The following SUPT20H variants were observed in gnomAD, a reference collection of about 807,000 sequenced individuals.
SUPT20H encodes the protein SPT20 homolog, SAGA complex component.
SUPT20H carries 82 observed loss-of-function variants against 122.8 expected under a neutral mutation model. The observed-to-expected ratio is 0.67, with a 90% CI of 0.56 to 0.80. SUPT20H has a LOEUF of 0.80. Ranked by LOEUF, SUPT20H falls within the 30% of genes least tolerant of loss-of-function variation. The probability of loss-of-function intolerance (pLI) is 0.00; values close to 1 mark genes in which losing one functional copy is unlikely to be tolerated. For synonymous variants in SUPT20H, 291 were observed against 313.0 expected, an observed-to-expected ratio of 0.93 and a Z score of 0.74; for missense variants, 831 against 921.6, an observed-to-expected ratio of 0.90 and a Z score of 1.27.
At position 37,012,364 on chromosome 13, in the gene SUPT20H, T is replaced by A; in HGVS notation, c.1993-67A>T. 2.3e-6 allele frequency: 3 copies of A among 1,317,432 alleles called. No individual in the cohort carries two copies. In the Admixed American group the frequency reaches 5.5e-5, roughly 24 times the overall value. The allele number at this position is 1,317,432 out of a possible 1,614,324, so 81.6% of individuals were successfully genotyped here. A position where few individuals can be genotyped will look rare whatever the true frequency, so the allele number is the denominator to read the frequency against. ...ACAAATTTGAGCTGGTGAAAAGAAA[T>A]CAGTATTTTTTCCTATATGAAAGAA... is the stretch of plus-strand genomic sequence containing the variant. On this transcript the variant is annotated intron_variant, in intron 23 of 25. Coordinates refer to ENST00000350612, the MANE Select transcript of SUPT20H (RefSeq NM_001014286.3).
At position 37,033,421 on chromosome 13, in the gene SUPT20H, T is replaced by C. The variant is rs375225689; in HGVS notation, c.707+28A>G. Reference sequence around the variant, plus strand: ...AAAATTTATAGCTACTTGTGTCTTTTGGTTCACCCTTCCACAAAGGCAATT... The same window carrying C: ...AAAATTTATAGCTACTTGTGTCTTTCGGTTCACCCTTCCACAAAGGCAATT... On this transcript the variant is annotated intron_variant, in intron 10 of 25. Coordinates refer to ENST00000350612, the MANE Select transcript of SUPT20H (RefSeq NM_001014286.3). The C allele has an allele frequency of 1.3e-5, 21 of 1,601,410 alleles. No individual in the cohort carries two copies. The African/African-American group carries it at 2.7e-4, about 20-fold the overall frequency.
chr13:37,019,615 A>G (rs2061150085), intron 21 of SUPT20H, among the ~76,000 whole-genome samples: 1 of 152,218 alleles, frequency 6.6e-6, no homozygotes, highest in Non-Finnish European at 1.5e-5. Flanking sequence ...GATGCACATT[A>G]TATTCTATAT....
At chr13:37,051,428 G>A in intron 2 of SUPT20H, 60 bp downstream of exon 2, 1 of 1,509,230 alleles carries the variant, frequency 6.6e-7, no homozygotes, top group Non-Finnish European at 9.2e-7. Flanking sequence ...ATATCTTTAT[G>A]AAGATGAAGG....
intron 22 of SUPT20H, 24 bp downstream of exon 22, chr13:37,019,318 T>C (rs2061087093): frequency 1.3e-6 from 2 of 1,561,708 alleles, no homozygotes; most frequent in East Asian, 4.6e-5. Context: ...AAAAATTTAA[T>C]CAAAAGCAGT....
chr13:37,055,304 T>C (rs969112346), intron 1 of SUPT20H, among the ~76,000 whole-genome samples: 1 of 112,694 alleles, frequency 8.9e-6, no homozygotes. Context: ...GAGCCCACAT[T>C]GCCAAGTCAA....
chr13:37,051,055 G>T (rs2067576336), intron 2 of SUPT20H, among the ~76,000 whole-genome samples: 1 of 152,176 alleles, frequency 6.6e-6, no homozygotes, highest in South Asian at 2.1e-4. Flanking sequence ...TGTGCCATTA[G>T]AAGATTAGCA....
intron 7 of SUPT20H, 26 bp from the exon 8 acceptor site, chr13:37,040,718 T>C: frequency 1.3e-6 from 2 of 1,574,086 alleles, no homozygotes; most frequent in Non-Finnish European, 1.7e-6. Context: ...TACGTAAACG[T>C]CATTTTTTTT....
intron 5 of SUPT20H, among the ~76,000 whole-genome samples, chr13:37,045,771 T>C (rs908849872): frequency 3.3e-5 from 5 of 152,102 alleles, no homozygotes; most frequent in Admixed American, 2.0e-4. Flanking sequence ...CCTAAAGAAT[T>C]TGGGGCATTC....
intron 1 of SUPT20H, among the ~76,000 whole-genome samples, chr13:37,054,871 T>G (rs920108410): frequency 6.6e-6 from 1 of 152,222 alleles, no homozygotes; most frequent in Non-Finnish European, 1.5e-5. Context: ...GAAAACCCCA[T>G]TGTCTCAGAC....
chr13:37,026,342 T>A (rs1420862091), intron 15 of SUPT20H, 106 bp from the exon 16 acceptor site: 1 of 817,092 alleles, frequency 1.2e-6, no homozygotes, highest in African/African-American at 1.8e-5. Context: ...CACAGTAATA[T>A]AAACTGGTAT....
At chr13:37,031,500 T>G in intron 12 of SUPT20H, 67 bp downstream of exon 12, 1 of 1,073,182 alleles carries the variant, frequency 9.3e-7, no homozygotes, top group Non-Finnish European at 1.3e-6. Context: ...TTTCTCAAGG[T>G]ATAAGCAACC....
intron 22 of SUPT20H, among the ~76,000 whole-genome samples, chr13:37,017,913 A>G (rs1416769652): frequency 6.6e-6 from 1 of 152,200 alleles, no homozygotes; most frequent in African/African-American, 2.4e-5. Flanking sequence ...TTTGAATTTA[A>G]TCCAAATTAA....
intron 17 of SUPT20H, chr13:37,025,117 T>C (rs2062024704): frequency 2.2e-6 from 1 of 446,724 alleles, no homozygotes; most frequent in Non-Finnish European, 4.2e-6. Context: ...AATTTTTGTG[T>C]TTTTAGTAGA....
rs1362899239 is a variant in SUPT20H, at chr13:37,010,544, T to C, written c.2202+8A>G. 1 of 1,611,142 alleles carries C rather than the reference T, an allele frequency of 6.2e-7. No homozygotes were observed. Among genetic ancestry groups the C allele is most frequent in the East Asian group, 2.2e-5 (1 of 44,866 alleles). ...AAAAATGTAATCAGAGTGAAGTTGC[T>C]GGATTACTTGTATCTGTTGCTGCTG... On this transcript the variant is annotated splice_region_variant and intron_variant, in intron 25 of 25. Coordinates refer to ENST00000350612, the MANE Select transcript of SUPT20H (RefSeq NM_001014286.3).
Position 37,012,393 on chromosome 13 carries a change from A to G in SUPT20H, c.1993-96T>C. 3 of 849,510 alleles carry G rather than the reference A, an allele frequency of 3.5e-6. No homozygotes were observed. In the South Asian group the frequency reaches 4.7e-5, roughly 13 times the overall value. The allele number at this position is 849,510 out of a possible 1,614,324, so 52.6% of individuals were successfully genotyped here. A position where few individuals can be genotyped will look rare whatever the true frequency, so the allele number is the denominator to read the frequency against. On this transcript the variant is annotated intron_variant, in intron 23 of 25. Transcript: ENST00000350612. ...TATTTTTTCCTATATGAAAGAAAGC[A>G]GTATTAGACTAGTCTTGTAAAAAGA...
chr13:37,028,394 A>G (rs936408588), intron 13 of SUPT20H, 89 bp from the exon 14 acceptor site: 2 of 1,195,022 alleles, frequency 1.7e-6, no homozygotes, highest in South Asian at 3.0e-5. Context: ...TGATACAGTA[A>G]CATGTATCTG....
intron 22 of SUPT20H, among the ~76,000 whole-genome samples, chr13:37,018,557 T>C (rs2060924057): frequency 1.3e-5 from 2 of 152,218 alleles, no homozygotes. Context: ...ATCCAGATCT[T>C]TATAGTCACG....
Position 37,025,431 on chromosome 13 carries a change from G to C in SUPT20H, c.1218C>G (p.Val406=). 6.2e-7 allele frequency: 1 copy of C among 1,610,382 alleles called. No individual in the cohort carries two copies. The highest frequency in any genetic ancestry group is 8.5e-7 in the Non-Finnish European group (1 of 1,177,050). ...IGSKTDAERV[V]NQYQELVQNE... is the part of the protein sequence containing the mutation. The stretch of plus-strand genomic sequence containing the variant: ...TCTGGACTAATTCTTGGTACTGATT[G>C]ACTACCCTAAAATATCAGGAGAAAA... The change falls in exon 17 of 26, where the codon GTC becomes GTG. Residue 406 remains valine (V), a synonymous_variant. Coordinates refer to ENST00000350612, the MANE Select transcript of SUPT20H (RefSeq NM_001014286.3).
At chr13:37,040,726 T>C in intron 7 of SUPT20H, 34 bp from the exon 8 acceptor site, 7 of 1,561,780 alleles carry the variant, frequency 4.5e-6, no homozygotes, top group Non-Finnish European at 6.2e-6. Context: ...CGTCATTTTT[T>C]TTTCCAAAAG....
Sources: allele counts gnomAD v4.1 joint callset (sites outside exome capture counted in the v4.1 genomes callset), GRCh38; gene constraint gnomAD v4.1.1; transcripts MANE v1.5; gene names NCBI Gene and HGNC (gene_info 2026-07-23, HGNC 2026-07-21).